The following BLM variants were observed in gnomAD, a reference collection of about 807,000 sequenced individuals.
BLM encodes recQ-like DNA helicase BLM.
Under a neutral mutation model 135.3 loss-of-function variants are expected in BLM, and 95 were observed. That is an observed-to-expected ratio of 0.70 (90% CI 0.59 to 0.83). The LOEUF (loss-of-function observed/expected upper bound fraction) is 0.83. BLM is among the 40% of genes least tolerant of loss of function. BLM has a pLI of 0.00. For synonymous variants in BLM, 520 were observed against 589.2 expected (o/e 0.88, Z 1.70); for missense variants, 1,518 against 1,663.9 (o/e 0.91, Z 1.53).
intron 15 of BLM, among the ~76,000 whole-genome samples, chr15:90,792,529 G>A (rs1896931130): frequency 6.6e-6 from 1 of 152,132 alleles, no homozygotes; most frequent in African/African-American, 2.4e-5. Flanking sequence ...ACTAACTTGT[G>A]ATGTAGAGGT....
intron 1 of BLM, among the ~76,000 whole-genome samples, chr15:90,724,539 T>C (rs1297456912): frequency 6.6e-6 from 1 of 152,112 alleles, no homozygotes; most frequent in African/African-American, 2.4e-5. Flanking sequence ...AGACCCCAAA[T>C]GTTAAGTCCT....
chr15:90,740,857 G>A (rs1457517746), intron 1 of BLM, among the ~76,000 whole-genome samples: 3 of 152,110 alleles, frequency 2.0e-5, no homozygotes, highest in Non-Finnish European at 4.4e-5. Context: ...CCCCTCCTTT[G>A]CCTTCTGCCA....
At chr15:90,734,309 A>G (rs1895144183) in intron 1 of BLM, among the ~76,000 whole-genome samples, 1 of 148,536 alleles carries the variant, frequency 6.7e-6, no homozygotes, top group Non-Finnish European at 1.5e-5. Flanking sequence ...TTTTTTTGAG[A>G]TGGAGTCTCA....
In BLM at chr15:90,760,676, C is replaced by T. The variant is rs755256088; in HGVS notation, c.1303C>T (p.Leu435Phe). Residue 435 changes from leucine (L) to phenylalanine (F), a missense_variant, in exon 7 of 22, where the codon CTT becomes TTT. Around this residue, in one of 5 missense-constraint regions of BLM, gnomAD observed 724 missense variants for 756.9 expected, o/e 0.96. Coordinates refer to ENST00000355112, the MANE Select transcript of BLM (RefSeq NM_000057.4). Reference sequence around the variant, plus strand: ...ATTGTGGAGATACAGGCCTGATTCACTTGATGGCCCTATGGAGGGTGATTC... The same window carrying T: ...ATTGTGGAGATACAGGCCTGATTCATTTGATGGCCCTATGGAGGGTGATTC... ...GSLWRYRPDS[L>F]DGPMEGDSCP... 3 of 1,613,894 alleles carry T rather than the reference C, an allele frequency of 1.9e-6. No homozygotes were observed. The highest frequency in any genetic ancestry group is 2.2e-5 in the East Asian group (1 of 44,894).
At chr15:90,777,741 T>C (rs1896517611) in intron 12 of BLM, among the ~76,000 whole-genome samples, 1 of 152,236 alleles carries the variant, frequency 6.6e-6, no homozygotes, top group South Asian at 2.1e-4. Flanking sequence ...GGGTTGCTTT[T>C]TTTCTGTATT....
intron 5 of BLM, chr15:90,755,276 G>A (rs549032335): frequency 3.4e-5 from 11 of 320,494 alleles, no homozygotes; most frequent in South Asian, 3.1e-4. Flanking sequence ...CTGTGTTTCA[G>A]AAACACGGAC....
chr15:90,781,308 C>T (rs751141041), intron 12 of BLM, among the ~76,000 whole-genome samples: 2 of 152,054 alleles, frequency 1.3e-5, no homozygotes, highest in Admixed American at 6.6e-5. Flanking sequence ...AGAAGAAGAA[C>T]GATTGTCTTG....
intron 5 of BLM, among the ~76,000 whole-genome samples, chr15:90,758,254 G>A (rs540254780): frequency 6.6e-6 from 1 of 152,068 alleles, no homozygotes; most frequent in African/African-American, 2.4e-5. Context: ...TTGGGAGACC[G>A]AGGTGAGTGG....
chr15:90,790,000 T>TG (rs1896861869), intron 14 of BLM, among the ~76,000 whole-genome samples: 20 of 98,674 alleles, frequency 2.0e-4, no homozygotes, highest in African/African-American at 9.9e-4. Flanking sequence ...TTTTTTTTTT[T>TG]TTTTTTTTTT....
chr15:90,794,323 CA>C lies in BLM; in HGVS notation c.3177del (p.Asp1060MetfsTer18). 6.2e-7 allele frequency: 1 copy of C among 1,603,714 alleles called. No individual in the cohort carries two copies. The highest frequency in any genetic ancestry group is 8.5e-7 in the Non-Finnish European group (1 of 1,175,194). ...GFNPDFCKKH[P>X]DVSCDNCCKT... ...AATCCTGATTTTTGTAAGAAACACC[CA>C]GATGTTTCTTGTGATAATTGCTGTA... On this transcript the variant is annotated frameshift_variant, in exon 16 of 22. Coordinates refer to ENST00000355112, the MANE Select transcript of BLM (RefSeq NM_000057.4). LOFTEE classifies it high-confidence loss of function.
Position 90,794,366 on chromosome 15 carries a change from A to AT in BLM, c.3210+9_3210+10insT. 1 of 1,551,002 alleles carries AT rather than the reference A, an allele frequency of 6.4e-7. No individual in the cohort carries two copies. Among genetic ancestry groups the AT allele is most frequent in the Non-Finnish European group, 8.7e-7 (1 of 1,150,448 alleles). On this transcript the variant is annotated intron_variant, in intron 16 of 21. Transcript: ENST00000355112. ...ATTGCTGTAAAACAAAGGTAAAAAA[A>AT]GAAGTTTTAAAATTCTTTATAATTA...
At chr15:90,777,244 G>A (rs778051010) in intron 12 of BLM, among the ~76,000 whole-genome samples, 3 of 151,778 alleles carry the variant, frequency 2.0e-5, no homozygotes, top group Non-Finnish European at 2.9e-5. Context: ...CTCCACCTCC[G>A]GGATTCAAGT....
intron 9 of BLM, 139 bp from the exon 10 acceptor site, chr15:90,766,771 A>C (rs1896139816): frequency 1.6e-6 from 1 of 628,284 alleles, no homozygotes. Flanking sequence ...ATGTACTTAC[A>C]TACTTGTTAT....
At chr15:90,785,491 T>G (rs1370362556) in intron 14 of BLM, among the ~76,000 whole-genome samples, 1 of 152,020 alleles carries the variant, frequency 6.6e-6, no homozygotes, top group Non-Finnish European at 1.5e-5. Flanking sequence ...TTTATTACTC[T>G]GTACATTGCA....
At chr15:90,795,609 C>A (rs1015426964) in intron 16 of BLM, among the ~76,000 whole-genome samples, 3 of 152,222 alleles carry the variant, frequency 2.0e-5, no homozygotes, top group African/African-American at 7.2e-5. Flanking sequence ...CACCCCATCC[C>A]TTAAACATTG....
chr15:90,783,888 C>T (rs1401060448), intron 13 of BLM, among the ~76,000 whole-genome samples: 1 of 151,224 alleles, frequency 6.6e-6, no homozygotes, highest in Admixed American at 6.6e-5. Flanking sequence ...AAGACTGTCT[C>T]AAAAAACAAA....
Position 90,790,721 on chromosome 15 carries a change from C to T in BLM, c.2896C>T (p.Leu966Phe), listed in dbSNP as rs554564999. The change falls in exon 15 of 22, where the codon CTC (leucine) becomes TTC (phenylalanine). Residue 966 changes from leucine to phenylalanine, a missense_variant. By Grantham distance (22) the Leu-to-Phe change is conservative. Coordinates refer to ENST00000355112, the MANE Select transcript of BLM (RefSeq NM_000057.4). ...CGTGCGATTTGTGATTCATGCATCT[C>T]TCCCTAAATCTGTGGAGGGTTACTA... ...PDVRFVIHASLPKSVEGYYQE... is the reference protein window; with the variant it reads ...PDVRFVIHASFPKSVEGYYQE... 1.9e-6 allele frequency: 3 copies of T among 1,614,160 alleles called. No homozygotes were observed. In the South Asian group the frequency reaches 3.3e-5, roughly 18 times the overall value.
chr15:90,734,696 C>CAGAG lies in BLM; in HGVS notation c.-4-12659_-4-12656dup, dbSNP rs60051515. On this transcript the variant is annotated intron_variant, in intron 1 of 21. Transcript: ENST00000355112. ...GCACGCACACACACACACACACACG[C>CAGAG]AGAGAGAGAGAGAGAGAGAGAGAGA... 7.8e-3 allele frequency among the ~76,000 whole-genome samples: 1,139 copies of CAGAG among 146,190 alleles called. 12 individuals are homozygous for CAGAG. Among genetic ancestry groups the CAGAG allele is most frequent in the Non-Finnish European group, 0.012 (792 of 66,254 alleles).
chr15:90,721,418 C>T (rs937477805), intron 1 of BLM, among the ~76,000 whole-genome samples: 1 of 152,018 alleles, frequency 6.6e-6, no homozygotes, highest in Non-Finnish European at 1.5e-5. Context: ...CCTCCGTCTC[C>T]CGAGTTCAAT....
Sources: gnomAD v4.1 joint callset for allele counts (sites outside exome capture counted in the v4.1 genomes callset) on GRCh38, gnomAD v4.1.1 for gene constraint, gnomAD v4.1.1 regional missense constraint, MANE v1.5 for transcripts, NCBI Gene and HGNC (gene_info 2026-07-23, HGNC 2026-07-21) for gene names.